The following CSMD1 variants were observed in gnomAD, a reference collection of about 807,000 sequenced individuals.
The protein encoded by CSMD1 is CUB and Sushi multiple domains 1, also known as CUB and sushi domain-containing protein 1.
A neutral mutation model predicts 417.5 loss-of-function variants in CSMD1; 213 were observed. The observed-to-expected ratio is 0.51, with a 90% CI of 0.46 to 0.57. The LOEUF (loss-of-function observed/expected upper bound fraction) is 0.57. CSMD1 is among the 20% of genes least tolerant of loss of function. The pLI is 0.00. For missense variants in CSMD1, 6,923 were observed against 4,529.7 expected (o/e 1.53, Z -15.17); for synonymous variants, 2,862 against 1,736.8 (o/e 1.65, Z -16.11).
intron 1 of CSMD1, among the ~76,000 whole-genome samples, chr8:4,903,642 C>A (rs1215714524): frequency 6.6e-6 from 1 of 152,156 alleles, no homozygotes; most frequent in Non-Finnish European, 1.5e-5. Flanking sequence ...TTAGAAACTC[C>A]TTTCTTTGAA....
intron 8 of CSMD1, among the ~76,000 whole-genome samples, chr8:3,607,833 G>A (rs1382063354): frequency 2.0e-5 from 3 of 152,150 alleles, no homozygotes; most frequent in Non-Finnish European, 2.9e-5. Flanking sequence ...TGGTGTTGGT[G>A]TGGCAGAAAG....
At chr8:4,843,374 T>G (rs1387820168) in intron 1 of CSMD1, among the ~76,000 whole-genome samples, 1 of 152,206 alleles carries the variant, frequency 6.6e-6, no homozygotes, top group Non-Finnish European at 1.5e-5. Flanking sequence ...TAGGGATGAT[T>G]ACGACCTTAA....
chr8:3,026,202 G>A (rs886275306), intron 51 of CSMD1, among the ~76,000 whole-genome samples: 5 of 152,280 alleles, frequency 3.3e-5, no homozygotes, highest in Admixed American at 6.5e-5. Context: ...TGGTGGGGTG[G>A]GGGACAGAGG....
chr8:4,925,430 G>A (rs1806791043), intron 1 of CSMD1, among the ~76,000 whole-genome samples: 1 of 151,402 alleles, frequency 6.6e-6, no homozygotes, highest in Non-Finnish European at 1.5e-5. Context: ...CTTTCCTACA[G>A]AACTTACTGT....
intron 3 of CSMD1, among the ~76,000 whole-genome samples, chr8:4,335,752 G>C (rs1032463910): frequency 1.3e-5 from 2 of 152,064 alleles, no homozygotes; most frequent in Admixed American, 1.3e-4. Context: ...ACGGCAACAA[G>C]ATAGAGTCAT....
At chr8:4,983,167 A>G (rs894170657) in intron 1 of CSMD1, among the ~76,000 whole-genome samples, 1 of 152,238 alleles carries the variant, frequency 6.6e-6, no homozygotes, top group Non-Finnish European at 1.5e-5. Context: ...TATCTTGAAT[A>G]TAGGGTTTCA....
intron 48 of CSMD1, among the ~76,000 whole-genome samples, chr8:3,088,036 A>T (rs889960381): frequency 6.6e-6 from 1 of 152,192 alleles, no homozygotes; most frequent in Non-Finnish European, 1.5e-5. Context: ...CTTCTTTTTT[A>T]GCATATGGGA....
intron 2 of CSMD1, among the ~76,000 whole-genome samples, chr8:4,421,738 A>T (rs764059690): frequency 1.3e-5 from 2 of 152,026 alleles, no homozygotes; most frequent in Admixed American, 1.3e-4. Flanking sequence ...AAAAACTCCC[A>T]AATCCCTAAT....
chr8:3,308,397 C>T lies in CSMD1; in HGVS notation c.3738G>A (p.Pro1246=), dbSNP rs377106212. 35 of 1,613,646 alleles carry T rather than the reference C, an allele frequency of 2.2e-5. No homozygotes were observed. The highest frequency in any genetic ancestry group is 1.5e-4 in the Admixed American group (9 of 59,992). ...TGTTGCTGCCATGCATGGCGTACCCCGGGTTGCAACTGTACAGAACTACAG... is the reference window on the plus strand; with the variant it reads ...TGTTGCTGCCATGCATGGCGTACCCTGGGTTGCAACTGTACAGAACTACAG... ...TDTVVLYSCN[P]GYAMHGSNTL... Residue 1246 remains proline, a synonymous_variant, in exon 24 of 70, where the codon CCG becomes CCA. Transcript: ENST00000635120.
intron 5 of CSMD1, among the ~76,000 whole-genome samples, chr8:3,797,155 A>G (rs956011839): frequency 2.0e-5 from 3 of 151,942 alleles, no homozygotes. Flanking sequence ...TCAACATAAT[A>G]ATTGAATTTC....
intron 3 of CSMD1, among the ~76,000 whole-genome samples, chr8:4,109,471 C>T (rs1432309260): frequency 6.6e-6 from 1 of 152,084 alleles, no homozygotes; most frequent in Non-Finnish European, 1.5e-5. Context: ...AATATGTAAC[C>T]CTACTTTACA....
chr8:4,868,839 G>C (rs987177210), intron 1 of CSMD1, among the ~76,000 whole-genome samples: 2 of 151,500 alleles, frequency 1.3e-5, no homozygotes, highest in African/African-American at 4.9e-5. Context: ...CTACAAAATA[G>C]AAATTGATAA....
At chr8:4,787,654 T>C (rs1797477543) in intron 1 of CSMD1, 1 of 1,586,702 alleles carries the variant, frequency 6.3e-7, no homozygotes, top group South Asian at 1.1e-5. Flanking sequence ...GAAATCCTGG[T>C]GTCAAGGAAG....
chr8:3,922,881 T>C lies in CSMD1; in HGVS notation c.818+75022A>G, dbSNP rs149801769. On this transcript the variant is annotated intron_variant, in intron 5 of 69. Coordinates refer to ENST00000635120, the MANE Select transcript of CSMD1 (RefSeq NM_033225.6). ...TGGGATATGTGGAGGAAAAGTTAAA[T>C]ATTAAATTTCAACTCAACTGAACAT... is the stretch of plus-strand genomic sequence containing the variant. Among the ~76,000 whole-genome samples the C allele has an allele frequency of 3.9e-5, 6 of 152,260 alleles. No homozygotes were observed. The East Asian group carries it at 1.2e-3, about 29-fold the overall frequency.
rs180690528 is a variant in CSMD1 at position 4,582,173 on chromosome 8, T to C, written c.302+55169A>G. ...TCCCTGGCATGTCTGTAGTGAAAATTGACAGACATGAGGTTTGTCATATAT... is the reference window on the plus strand; with the variant it reads ...TCCCTGGCATGTCTGTAGTGAAAATCGACAGACATGAGGTTTGTCATATAT... On this transcript the variant is annotated intron_variant, in intron 2 of 69. Transcript: ENST00000635120. 7.9e-5 allele frequency among the ~76,000 whole-genome samples: 12 copies of C among 152,158 alleles called. No homozygotes were observed. In the East Asian group the frequency reaches 2.3e-3, roughly 30 times the overall value.
intron 1 of CSMD1, among the ~76,000 whole-genome samples, chr8:4,816,110 AT>A (rs1397161769): frequency 6.6e-6 from 1 of 152,168 alleles, no homozygotes; most frequent in African/African-American, 2.4e-5. Flanking sequence ...AGGAAGGCTG[AT>A]CACAGAGCAT....
chr8:4,378,802 A>G (rs1040825961), intron 3 of CSMD1, among the ~76,000 whole-genome samples: 5 of 152,154 alleles, frequency 3.3e-5, no homozygotes, highest in Admixed American at 3.3e-4. Context: ...TAAGACGTCA[A>G]GGGAGCTTTT....
intron 2 of CSMD1, among the ~76,000 whole-genome samples, chr8:4,432,781 G>T (rs1039669427): frequency 6.6e-6 from 1 of 152,180 alleles, no homozygotes; most frequent in Admixed American, 6.5e-5. Flanking sequence ...ATGAAGCCAA[G>T]CAGTAATTTT....
chr8:3,456,949 C>G (rs1405954620), intron 12 of CSMD1, among the ~76,000 whole-genome samples: 3 of 152,062 alleles, frequency 2.0e-5, no homozygotes, highest in South Asian at 2.1e-4. Context: ...CTGTCTCACC[C>G]TACACACCCT....
Sources: allele counts gnomAD v4.1 joint callset (sites outside exome capture counted in the v4.1 genomes callset), GRCh38; gene constraint gnomAD v4.1.1; transcripts MANE v1.5; gene names NCBI Gene and HGNC (gene_info 2026-07-23, HGNC 2026-07-21).